The following CDH12 variants were observed in gnomAD, a reference collection of about 807,000 sequenced individuals.
CDH12 encodes the protein cadherin 12.
A neutral mutation model predicts 74.1 loss-of-function variants in CDH12; 41 were observed. That is an observed-to-expected ratio of 0.55 (90% confidence interval 0.43 to 0.72). The LOEUF (loss-of-function observed/expected upper bound fraction) is 0.72, where lower values mean the gene tolerates loss of function less well. CDH12 is among the 30% of genes least tolerant of loss of function. The pLI, the probability that CDH12 is intolerant of heterozygous loss-of-function variation, is 0.00. For synonymous variants in CDH12, 399 were observed against 355.0 expected (o/e 1.12, Z -1.39); for missense variants, 945 against 977.2 (o/e 0.97, Z 0.44).
chr5:22,572,343 A>C (rs985934032), intron 1 of CDH12, among the ~76,000 whole-genome samples: 2 of 152,128 alleles, frequency 1.3e-5, no homozygotes, highest in African/African-American at 4.8e-5. Flanking sequence ...TCATCTTTGA[A>C]TATTCATTTG....
At position 22,466,776 on chromosome 5, in the gene CDH12, C is replaced by CTTTTTTT. The variant is rs70959733; in HGVS notation, c.-428+38487_-428+38493dup. On this transcript the variant is annotated intron_variant, in intron 2 of 14. Transcript: ENST00000382254. Reference sequence around the variant, plus strand: ...AAATGAGGCATGGCTCCTCAGGAATCTTTTTTTTTTTTTTTTTTTTTTTTT... The same window carrying CTTTTTTT: ...AAATGAGGCATGGCTCCTCAGGAATCTTTTTTTTTTTTTTTTTTTTTTTTTTTTTTTT... 7.8e-4 allele frequency among the ~76,000 whole-genome samples: 40 copies of CTTTTTTT among 50,994 alleles called. 5 individuals are homozygous for CTTTTTTT. Among genetic ancestry groups the CTTTTTTT allele is most frequent in the East Asian group, 1.4e-3 (2 of 1,462 alleles). The allele number at this position is 50,994 out of a possible 152,430, so 33.5% of individuals were successfully genotyped here.
At position 22,847,586 on chromosome 5, in the gene CDH12, T is replaced by A. The variant is rs146064804; in HGVS notation, c.-523+5472A>T. ...CTGGTTTTCAACATTTACTGAGCAT[T>A]TGAAGCTCTTTCCATTACATTTAAA... On this transcript the variant is annotated intron_variant, in intron 1 of 14. Transcript: ENST00000382254. 2.7e-3 allele frequency among the ~76,000 whole-genome samples: 406 copies of A among 152,326 alleles called. 3 individuals carry two copies. The highest frequency in any genetic ancestry group is 9.5e-3 in the African/African-American group (395 of 41,582).
At chr5:21,907,469 G>A (rs1753689940) in intron 6 of CDH12, among the ~76,000 whole-genome samples, 1 of 152,186 alleles carries the variant, frequency 6.6e-6, no homozygotes, top group South Asian at 2.1e-4. Flanking sequence ...GGCCTTGCAG[G>A]TGGGCACAGG....
At chr5:22,700,643 ATTGCTACACTGG>A (rs972900380) in intron 1 of CDH12, among the ~76,000 whole-genome samples, 21 of 152,332 alleles carry the variant, frequency 1.4e-4, no homozygotes, top group African/African-American at 5.1e-4. Flanking sequence ...CTAGGGAAGA[ATTGCTACACTGG>A]TTGTCTTACT....
At chr5:21,754,009 A>C (rs1056407850) in intron 14 of CDH12, among the ~76,000 whole-genome samples, 1 of 152,238 alleles carries the variant, frequency 6.6e-6, no homozygotes, top group Non-Finnish European at 1.5e-5. Flanking sequence ...AAAGGTTTTC[A>C]AAGAAAAAAA....
chr5:22,298,943 C>T (rs1046705760), intron 3 of CDH12, among the ~76,000 whole-genome samples: 3 of 152,128 alleles, frequency 2.0e-5, no homozygotes, highest in African/African-American at 4.8e-5. Flanking sequence ...CATCATTCAT[C>T]CATGAATTCA....
intron 6 of CDH12, among the ~76,000 whole-genome samples, chr5:21,880,584 C>CTTCCCTTCTTTCT (rs1752230117): frequency 6.6e-5 from 3 of 45,602 alleles, no homozygotes; most frequent in Non-Finnish European, 1.3e-4. Flanking sequence ...TCCTTCCTTC[C>CTTCCCTTCTTTCT]TTCCTTCCTT....
intron 2 of CDH12, among the ~76,000 whole-genome samples, chr5:22,472,390 T>G (rs10941953): frequency 6.6e-6 from 1 of 151,784 alleles, no homozygotes. Context: ...CTAAATTTAC[T>G]TCCTTAGCTG....
chr5:22,280,958 A>G (rs1736852877), intron 3 of CDH12, among the ~76,000 whole-genome samples: 1 of 152,122 alleles, frequency 6.6e-6, no homozygotes, highest in African/African-American at 2.4e-5. Flanking sequence ...GTGGAATATC[A>G]ATGCAAAAAT....
intron 1 of CDH12, among the ~76,000 whole-genome samples, chr5:22,835,501 TTTG>T (rs1736781442): frequency 6.6e-6 from 1 of 152,162 alleles, no homozygotes; most frequent in Non-Finnish European, 1.5e-5. Flanking sequence ...ATTTTTATTC[TTTG>T]AATGGGGGCT....
At chr5:22,775,971 AT>A (rs1367514228) in intron 1 of CDH12, among the ~76,000 whole-genome samples, 7 of 151,678 alleles carry the variant, frequency 4.6e-5, no homozygotes, top group African/African-American at 1.2e-4. Context: ...CCTCTTCCTC[AT>A]TTTTCTCTTG....
At chr5:22,104,872 TG>T (rs1477189944) in intron 4 of CDH12, among the ~76,000 whole-genome samples, 5 of 152,124 alleles carry the variant, frequency 3.3e-5, no homozygotes, top group Non-Finnish European at 7.4e-5. Context: ...ACCCATAAAC[TG>T]GGCGGCTTCA....
At chr5:22,273,917 T>C (rs1481719133) in intron 3 of CDH12, among the ~76,000 whole-genome samples, 2 of 152,162 alleles carry the variant, frequency 1.3e-5, no homozygotes, top group Non-Finnish European at 2.9e-5. Flanking sequence ...TATTACAGCA[T>C]TCAAGTAGCA....
intron 3 of CDH12, among the ~76,000 whole-genome samples, chr5:22,236,935 G>T (rs1471099097): frequency 2.0e-5 from 3 of 150,144 alleles, no homozygotes; most frequent in African/African-American, 7.3e-5. Flanking sequence ...CCTCCTGAAG[G>T]CCCTGCTTGA....
intron 12 of CDH12, among the ~76,000 whole-genome samples, chr5:21,763,710 A>T: frequency 6.6e-6 from 1 of 152,248 alleles, no homozygotes; most frequent in Non-Finnish European, 1.5e-5. Flanking sequence ...CTTTTATATT[A>T]TTCCTAAATT....
intron 3 of CDH12, among the ~76,000 whole-genome samples, chr5:22,368,751 C>A (rs1447914523): frequency 1.3e-5 from 2 of 152,098 alleles, no homozygotes; most frequent in East Asian, 3.9e-4. Context: ...CTTCATATTT[C>A]TAGTGACAAT....
At chr5:22,509,901 A>G (rs1736531642) in intron 1 of CDH12, among the ~76,000 whole-genome samples, 1 of 152,110 alleles carries the variant, frequency 6.6e-6, no homozygotes, top group African/African-American at 2.4e-5. Context: ...TAGTAATATA[A>G]AGCATGGTAT....
At chr5:22,077,970 A>G (rs1245659718) in intron 5 of CDH12, among the ~76,000 whole-genome samples, 2 of 152,104 alleles carry the variant, frequency 1.3e-5, no homozygotes, top group African/African-American at 4.8e-5. Flanking sequence ...TCACATTTTA[A>G]CGGGAAAGGA....
rs531432472 is a variant in CDH12, at chr5:21,898,013, T to G, written c.527-43223A>C. ...ATGCCACTTAATATTTCTGATATTTTTATTAAAGTCATCATAAAATTGACA... is the reference window on the plus strand; with the variant it reads ...ATGCCACTTAATATTTCTGATATTTGTATTAAAGTCATCATAAAATTGACA... On this transcript the variant is annotated intron_variant, in intron 6 of 14. Coordinates refer to ENST00000382254, the MANE Select transcript of CDH12 (RefSeq NM_004061.5). Among the ~76,000 whole-genome samples the G allele has an allele frequency of 7.2e-5, 11 of 152,254 alleles. No individual in the cohort carries two copies. In the South Asian group the frequency reaches 2.3e-3, roughly 32 times the overall value.
Sources: gnomAD v4.1 joint callset for allele counts (sites outside exome capture counted in the v4.1 genomes callset) on GRCh38, gnomAD v4.1.1 for gene constraint, MANE v1.5 for transcripts, NCBI Gene and HGNC (gene_info 2026-07-23, HGNC 2026-07-21) for gene names.